FAM163A: variants seen among roughly 807,000 people sequenced by gnomAD.
FAM163A encodes the protein family with sequence similarity 163 member A.
In FAM163A, 7 loss-of-function variants were observed where a neutral mutation model predicts 12.0. The observed-to-expected ratio is 0.58, with a 90% CI of 0.33 to 1.10. The LOEUF (loss-of-function observed/expected upper bound fraction) is 1.10, where lower values mean the gene tolerates loss of function less well. FAM163A is among the 50% of genes least tolerant of loss of function. The probability of loss-of-function intolerance (pLI) is 0.03; values close to 1 mark genes in which losing one functional copy is unlikely to be tolerated. For missense variants in FAM163A, 202 were observed against 218.6 expected, an observed-to-expected ratio of 0.92 and a Z score of 0.48; for synonymous variants, 101 against 91.0, an observed-to-expected ratio of 1.11 and a Z score of -0.62.
intron 1 of FAM163A, among the ~76,000 whole-genome samples, chr1:179,792,727 C>T (rs1691698199): frequency 1.3e-5 from 2 of 152,216 alleles, no homozygotes; most frequent in South Asian, 2.1e-4. Flanking sequence ...AGAGCTCATA[C>T]TAAAACACCC....
intron 1 of FAM163A, among the ~76,000 whole-genome samples, chr1:179,784,797 T>G (rs552691377): frequency 6.6e-6 from 1 of 152,316 alleles, no homozygotes; most frequent in East Asian, 1.9e-4. Flanking sequence ...ATCTAGATGC[T>G]GGGGGTGTGG....
At chr1:179,806,012 G>A (rs1287314546) in intron 1 of FAM163A, among the ~76,000 whole-genome samples, 1 of 152,112 alleles carries the variant, frequency 6.6e-6, no homozygotes, top group Admixed American at 6.5e-5. Context: ...ACACAATATT[G>A]ACTCAAGACA....
the FAM163A span, among the ~76,000 whole-genome samples, chr1:179,734,537 G>A: frequency 6.6e-6 from 1 of 152,120 alleles, no homozygotes; most frequent in Non-Finnish European, 1.5e-5. Flanking sequence ...AGCAGGCTCC[G>A]TTTCTGGTGG....
At chr1:179,744,592 G>T (rs1365866578) in intron 1 of FAM163A, among the ~76,000 whole-genome samples, 1 of 152,224 alleles carries the variant, frequency 6.6e-6, no homozygotes, top group African/African-American at 2.4e-5. Flanking sequence ...CACACTGGGG[G>T]TTCCTTTCCT....
the FAM163A span, among the ~76,000 whole-genome samples, chr1:179,730,621 G>A: frequency 2.9e-3 from 446 of 152,278 alleles, 14 homozygotes; most frequent in East Asian, 0.074. Context: ...AATACTAACT[G>A]CTCAGCTATG....
At chr1:179,797,566 G>A (rs1369539500) in intron 1 of FAM163A, among the ~76,000 whole-genome samples, 2 of 152,132 alleles carry the variant, frequency 1.3e-5, no homozygotes, top group Non-Finnish European at 2.9e-5. Context: ...AAATTGCCAA[G>A]AGAGTACATT....
intron 1 of FAM163A, among the ~76,000 whole-genome samples, chr1:179,790,218 C>CTTTTTT (rs1168192716): frequency 2.4e-4 from 22 of 91,668 alleles, no homozygotes; most frequent in Non-Finnish European, 3.9e-4. Context: ...AGCTGACTTC[C>CTTTTTT]TTTTTTTTTT....
At chr1:179,809,496 G>A (rs549370390) in intron 2 of FAM163A, among the ~76,000 whole-genome samples, 2 of 152,232 alleles carry the variant, frequency 1.3e-5, no homozygotes, top group Non-Finnish European at 2.9e-5. Context: ...CAGTGGCACA[G>A]GTGATCCTCG....
intron 1 of FAM163A, among the ~76,000 whole-genome samples, chr1:179,784,234 G>A (rs1211903547): frequency 2.0e-5 from 3 of 152,176 alleles, no homozygotes; most frequent in Non-Finnish European, 4.4e-5. Context: ...GAATAACCTG[G>A]CCACAGCTCA....
chr1:179,775,514 C>T (rs1030345990), intron 1 of FAM163A, among the ~76,000 whole-genome samples: 3 of 152,188 alleles, frequency 2.0e-5, no homozygotes, highest in Non-Finnish European at 2.9e-5. Flanking sequence ...GCCTTAGGTT[C>T]CTTTCCTCCA....
In FAM163A at chr1:179,815,105, GCGCGCACAGACA is replaced by G. The variant is rs1203635518; in HGVS notation, c.*918_*929del. On this transcript the variant is annotated 3_prime_UTR_variant, in exon 5 of 5. Transcript: ENST00000341785. ...TTCCCAGGTGTACGCACGCGCGCGC[GCGCGCACAGACA>G]CACACACACACACACACACACACAC... 0.028 allele frequency: 2,418 copies of G among 85,274 alleles called. 76 individuals carry two copies. The highest frequency in any genetic ancestry group is 0.11 in the African/African-American group (2,268 of 20,236). 5.3% of individuals were successfully genotyped at this position (85,274 alleles called of 1,614,324 possible).
At chr1:179,744,879 C>G (rs929337387) in intron 1 of FAM163A, among the ~76,000 whole-genome samples, 1 of 152,204 alleles carries the variant, frequency 6.6e-6, no homozygotes, top group Admixed American at 6.5e-5. Context: ...GTGTGGGAGA[C>G]AAACAATAAC....
intron 1 of FAM163A, among the ~76,000 whole-genome samples, chr1:179,772,346 AT>A (rs35186059): frequency 7.0e-4 from 107 of 152,154 alleles, no homozygotes; most frequent in African/African-American, 2.4e-3. Context: ...CTGTGCTGGC[AT>A]TTTGTTACCT....
intron 1 of FAM163A, among the ~76,000 whole-genome samples, chr1:179,746,786 A>G (rs1684525667): frequency 6.6e-6 from 1 of 152,146 alleles, no homozygotes; most frequent in African/African-American, 2.4e-5. Flanking sequence ...GTTGCTTGAG[A>G]GGTTCCCTTT....
At chr1:179,737,861 G>A in the FAM163A span, among the ~76,000 whole-genome samples, 5 of 152,002 alleles carry the variant, frequency 3.3e-5, no homozygotes, top group Admixed American at 1.3e-4. Flanking sequence ...CTTAAAAAGC[G>A]AAGAGATGCA....
chr1:179,769,533 T>C (rs1357429141), intron 1 of FAM163A, among the ~76,000 whole-genome samples: 2 of 152,236 alleles, frequency 1.3e-5, no homozygotes, highest in Non-Finnish European at 2.9e-5. Context: ...CAGCAGATTA[T>C]TGCTGAAATA....
intron 1 of FAM163A, among the ~76,000 whole-genome samples, chr1:179,750,513 T>C (rs918476596): frequency 3.3e-5 from 5 of 152,092 alleles, no homozygotes; most frequent in Non-Finnish European, 7.4e-5. Context: ...AGGATATTCC[T>C]GGAATGGGCA....
At chr1:179,785,385 G>C (rs1186480568) in intron 1 of FAM163A, among the ~76,000 whole-genome samples, 1 of 152,120 alleles carries the variant, frequency 6.6e-6, no homozygotes, top group Non-Finnish European at 1.5e-5. Context: ...TCCAACTGAG[G>C]TTTTCTTTGA....
chr1:179,749,627 G>A (rs559120286), intron 1 of FAM163A, among the ~76,000 whole-genome samples: 3 of 152,296 alleles, frequency 2.0e-5, no homozygotes, highest in African/African-American at 7.2e-5. Context: ...CAAGGCAGGC[G>A]GATTGCTTGA....
Sources: gnomAD v4.1 joint callset for allele counts (sites outside exome capture counted in the v4.1 genomes callset) on GRCh38, gnomAD v4.1.1 for gene constraint, MANE v1.5 for transcripts, NCBI Gene and HGNC (gene_info 2026-07-23, HGNC 2026-07-21) for gene names.